Variants in ABCB1 observed in about 807,000 individuals in gnomAD.
ABCB1 encodes the protein ATP-dependent translocase ABCB1.
In ABCB1, 69 loss-of-function variants were observed where a neutral mutation model predicts 142.0. The ratio of observed to expected loss-of-function variants is 0.49; its 90% CI spans 0.40 to 0.59. The LOEUF is 0.59. ABCB1 is among the 20% of genes least tolerant of loss of function. The pLI, the probability that ABCB1 is intolerant of heterozygous loss-of-function variation, is 0.00. For synonymous variants in ABCB1, 532 were observed against 539.2 expected (o/e 0.99, Z 0.18); for missense variants, 1,326 against 1,554.7 (o/e 0.85, Z 2.47).
Position 87,550,719 on chromosome 7 carries a change from A to G in ABCB1, c.1113+6T>C. ...ATAGGTGGATAGATGGCCAACTCAG[A>G]CTTACATTATCAATTATCTTGAAGA... On this transcript the variant is annotated splice_donor_region_variant and intron_variant, in intron 10 of 27. Transcript: ENST00000622132. The G allele has an allele frequency of 2.5e-6, 4 of 1,603,122 alleles. No homozygotes were observed. Among genetic ancestry groups the G allele is most frequent in the Non-Finnish European group, 3.4e-6 (4 of 1,170,032 alleles).
intron 4 of ABCB1, among the ~76,000 whole-genome samples, chr7:87,581,821 T>C (rs1167755113): frequency 6.6e-6 from 1 of 152,158 alleles, no homozygotes; most frequent in Admixed American, 6.5e-5. Context: ...ACTTTTCCAA[T>C]AAGGAGGCTC....
At chr7:87,554,742 G>A (rs1817240277) in intron 8 of ABCB1, among the ~76,000 whole-genome samples, 1 of 152,156 alleles carries the variant, frequency 6.6e-6, no homozygotes, top group Non-Finnish European at 1.5e-5. Context: ...CTGGTGGCTT[G>A]GGCCATCCAC....
In ABCB1 at chr7:87,503,996, T is replaced by C; in HGVS notation, c.*247A>G. The C allele has an allele frequency of 1.8e-6, 1 of 554,540 alleles. No homozygotes were observed. The highest frequency in any genetic ancestry group is 1.9e-5 in the African/African-American group (1 of 53,286). The allele number at this position is 554,540 out of a possible 1,614,324, so 34.4% of individuals were successfully genotyped here. A position where few individuals can be genotyped will look rare whatever the true frequency, so the allele number is the denominator to read the frequency against. ...AATATAAACAAAATTACACATTTTA[T>C]CTTTTAAAATCTACTTTAATTCTGT... On this transcript the variant is annotated 3_prime_UTR_variant, in exon 28 of 28. Coordinates refer to ENST00000622132, the MANE Select transcript of ABCB1 (RefSeq NM_001348946.2).
intron 1 of ABCB1, among the ~76,000 whole-genome samples, chr7:87,666,138 A>G (rs1038204622): frequency 6.6e-6 from 1 of 151,998 alleles, no homozygotes; most frequent in Non-Finnish European, 1.5e-5. Flanking sequence ...TCTCTGCAAC[A>G]TCTCCAGCAC....
Position 87,504,342 on chromosome 7 carries a change from A to T in ABCB1, c.3744T>A (p.Asn1248Lys), listed in dbSNP as rs1230774968. The T allele has an allele frequency of 6.2e-7, 1 of 1,613,942 alleles. No individual in the cohort carries two copies. Among genetic ancestry groups the T allele is most frequent in the Non-Finnish European group, 8.5e-7 (1 of 1,180,002 alleles). The change falls in exon 28 of 28, where the codon AAT becomes AAA. Residue 1248 changes from asparagine (N) to lysine (K), a missense_variant. Asn to Lys is a moderately conservative substitution (Grantham distance 94, BLOSUM62 0). Coordinates refer to ENST00000622132, the MANE Select transcript of ABCB1 (RefSeq NM_001348946.2). The part of the protein sequence containing the change: ...QNADLIVVFQ[N>K]GRVKEHGTHQ... ...GCGTGCCATGCTCCTTGACTCTGCC[A>T]TTCTGAAACACCACTATTAAGTCTG...
intron 1 of ABCB1, chr7:87,628,921 G>C: frequency 7.6e-7 from 1 of 1,309,884 alleles, no homozygotes; most frequent in Non-Finnish European, 9.8e-7. Context: ...GCGGTGGAGA[G>C]GAGGAACCTG....
chr7:87,580,193 T>G (rs946963920), intron 4 of ABCB1, among the ~76,000 whole-genome samples: 1 of 152,196 alleles, frequency 6.6e-6, no homozygotes, highest in Non-Finnish European at 1.5e-5. Context: ...ATTTTCTTTC[T>G]GATTAAAGAA....
intron 4 of ABCB1, among the ~76,000 whole-genome samples, chr7:87,576,116 C>T (rs1016034519): frequency 1.4e-4 from 22 of 151,858 alleles, no homozygotes; most frequent in African/African-American, 4.8e-4. Flanking sequence ...CATCCAATTT[C>T]TTAAGCACCT....
intron 9 of ABCB1, 84 bp from the exon 10 acceptor site, chr7:87,550,922 T>C: frequency 3.6e-6 from 3 of 829,864 alleles, no homozygotes; most frequent in East Asian, 2.5e-5. Context: ...TTTTCTAACA[T>C]AGGTAATTAA....
intron 11 of ABCB1, 73 bp downstream of exon 11, chr7:87,550,395 T>C (rs1408971853): frequency 8.1e-6 from 13 of 1,604,458 alleles, no homozygotes; most frequent in Non-Finnish European, 1.1e-5. Flanking sequence ...CACTTTTTTA[T>C]AATCTCTACA....
In ABCB1 at chr7:87,550,723, A is replaced by C; in HGVS notation, c.1113+2T>G. ...GTGGATAGATGGCCAACTCAGACTT[A>C]CATTATCAATTATCTTGAAGATTTC... On this transcript the variant is annotated splice_donor_variant, in intron 10 of 27. Coordinates refer to ENST00000622132, the MANE Select transcript of ABCB1 (RefSeq NM_001348946.2). LOFTEE classifies it high-confidence loss of function. The C allele has an allele frequency of 6.2e-7, 1 of 1,606,306 alleles. No individual in the cohort carries two copies. The highest frequency in any genetic ancestry group is 8.5e-7 in the Non-Finnish European group (1 of 1,172,908).
chr7:87,577,485 T>C (rs1269266580), intron 4 of ABCB1, among the ~76,000 whole-genome samples: 1 of 152,178 alleles, frequency 6.6e-6, no homozygotes, highest in Non-Finnish European at 1.5e-5. Context: ...GGAACCCCCA[T>C]ACTGTTCTCC....
At chr7:87,620,784 A>G (rs1820195696) in intron 1 of ABCB1, among the ~76,000 whole-genome samples, 1 of 152,202 alleles carries the variant, frequency 6.6e-6, no homozygotes, top group Non-Finnish European at 1.5e-5. Flanking sequence ...AAAATACAAA[A>G]ATTTGACTGC....
intron 1 of ABCB1, among the ~76,000 whole-genome samples, chr7:87,702,982 G>C (rs1421162244): frequency 6.6e-6 from 1 of 151,986 alleles, no homozygotes; most frequent in Non-Finnish European, 1.5e-5. Flanking sequence ...CTCAACTCAG[G>C]TATCAGCTTT....
chr7:87,660,670 C>G (rs1824608271), intron 1 of ABCB1, among the ~76,000 whole-genome samples: 1 of 151,542 alleles, frequency 6.6e-6, no homozygotes, highest in Non-Finnish European at 1.5e-5. Flanking sequence ...TCTTCTTTGG[C>G]TCTATTATGT....
rs1016793 is a variant in ABCB1 at position 87,569,866 on chromosome 7, G to A, written c.338+306C>T. 0.32 allele frequency among the ~76,000 whole-genome samples: 48,576 copies of A among 151,840 alleles called. 9,595 individuals are homozygous for A. The highest frequency in any genetic ancestry group is 0.58 in the South Asian group (2,766 of 4,810). ...CCACACCTGGCACATATATATTATAGAAAATAATGATTCTTAATTCAACTG... is the reference window on the plus strand; with the variant it reads ...CCACACCTGGCACATATATATTATAAAAAATAATGATTCTTAATTCAACTG... On this transcript the variant is annotated intron_variant, in intron 5 of 27. Coordinates refer to ENST00000622132, the MANE Select transcript of ABCB1 (RefSeq NM_001348946.2).
intron 8 of ABCB1, among the ~76,000 whole-genome samples, chr7:87,555,482 T>C (rs927310730): frequency 2.0e-5 from 3 of 152,338 alleles, no homozygotes; most frequent in Admixed American, 6.5e-5. Context: ...GATATGAACA[T>C]GCATTGTTTC....
chr7:87,545,006 TA>T lies in ABCB1; in HGVS notation c.1888-8del. ...CAACTTCATTTCCTGCTGTCTAAAA[TA>T]AATAAGAAATATGCAAAAGCTCATT... On this transcript the variant is annotated splice_region_variant and splice_polypyrimidine_tract_variant and intron_variant, in intron 15 of 27. Transcript: ENST00000622132. 1 of 1,613,104 alleles carries T rather than the reference TA, an allele frequency of 6.2e-7. No individual in the cohort carries two copies. The highest frequency in any genetic ancestry group is 8.5e-7 in the Non-Finnish European group (1 of 1,179,602).
At chr7:87,541,294 ATCCCCCCAGT>A (rs1432952077) in intron 18 of ABCB1, 53 bp downstream of exon 18, 22 of 1,116,518 alleles carry the variant, frequency 2.0e-5, no homozygotes, top group Non-Finnish European at 2.8e-5. Flanking sequence ...ATGTTTATAA[ATCCCCCCAGT>A]TGAATAATGA....
Sources: gnomAD v4.1 joint callset for allele counts (sites outside exome capture counted in the v4.1 genomes callset) on GRCh38, gnomAD v4.1.1 for gene constraint, MANE v1.5 for transcripts, NCBI Gene and HGNC (gene_info 2026-07-23, HGNC 2026-07-21) for gene names.